Variants in ADGRV1 observed in about 807,000 individuals in gnomAD.
ADGRV1 encodes adhesion G protein-coupled receptor V1, also known as G-protein coupled receptor 98.
ADGRV1 carries 359 observed loss-of-function variants against 596.2 expected under a neutral mutation model. That is an observed-to-expected ratio of 0.60 (90% CI 0.55 to 0.66). ADGRV1 has a LOEUF of 0.66. Among genes scored for constraint, ADGRV1 ranks in the 30% least tolerant of loss-of-function variants. The pLI is 0.00. For missense variants in ADGRV1, 7,274 were observed against 7,575.6 expected, an observed-to-expected ratio of 0.96 and a Z score of 1.48; for synonymous variants, 2,681 against 2,679.2, an observed-to-expected ratio of 1.00 and a Z score of -0.02.
chr5:90,664,857 A>G (rs1771027189), intron 21 of ADGRV1, among the ~76,000 whole-genome samples: 1 of 149,660 alleles, frequency 6.7e-6, no homozygotes, highest in Non-Finnish European at 1.5e-5. Context: ...CCTTTTCTGT[A>G]TCTATTGAGA....
chr5:90,601,712 G>A (rs1236440947), intron 1 of ADGRV1, among the ~76,000 whole-genome samples: 1 of 152,180 alleles, frequency 6.6e-6, no homozygotes, highest in African/African-American at 2.4e-5. Flanking sequence ...AGTACTCTAA[G>A]GGCATAGATG....
intron 85 of ADGRV1, among the ~76,000 whole-genome samples, chr5:90,989,660 A>G (rs532462676): frequency 2.0e-5 from 3 of 152,236 alleles, no homozygotes; most frequent in East Asian, 3.9e-4. Flanking sequence ...TTAAAACCCA[A>G]TGGTTGCCTT....
Position 90,653,303 on chromosome 5 carries a change from C to G in ADGRV1, c.3729C>G (p.Ile1243Met). 1 of 1,613,892 alleles carries G rather than the reference C, an allele frequency of 6.2e-7. No homozygotes were observed. The highest frequency in any genetic ancestry group is 1.1e-5 in the South Asian group (1 of 91,074). ...PFNDDPFGVF[I>M]LDPECLEREV... ...ATGATGATCCCTTTGGAGTTTTTATCTTGGATCCAGAGTGTTTAGAGAGAG... is the reference window on the plus strand; with the variant it reads ...ATGATGATCCCTTTGGAGTTTTTATGTTGGATCCAGAGTGTTTAGAGAGAG... The change falls in exon 20 of 90, where the codon ATC (isoleucine) becomes ATG (methionine). Residue 1243 changes from isoleucine (I) to methionine (M), a missense_variant. Around this residue, in one of 5 missense-constraint regions of ADGRV1, gnomAD observed 1,715 missense variants for 1,708.8 expected, o/e 1.00. Coordinates refer to ENST00000405460, the MANE Select transcript of ADGRV1 (RefSeq NM_032119.4).
intron 85 of ADGRV1, among the ~76,000 whole-genome samples, chr5:90,993,436 C>T (rs1167752405): frequency 1.4e-4 from 22 of 152,064 alleles, no homozygotes; most frequent in Admixed American, 1.3e-3. Flanking sequence ...GCATTACAGG[C>T]GTGAGCCACC....
At position 91,017,054 on chromosome 5, in the gene ADGRV1, C is replaced by G. The variant is rs576140379; in HGVS notation, c.18152+31532C>G. On this transcript the variant is annotated intron_variant, in intron 85 of 89. Coordinates refer to ENST00000405460, the MANE Select transcript of ADGRV1 (RefSeq NM_032119.4). ...TTCCATTGCACTCAGTAGTACCAAG[C>G]AGTCCACAAGAATTGACACACATTT... 9.1e-4 allele frequency among the ~76,000 whole-genome samples: 138 copies of G among 152,040 alleles called. 2 individuals carry two copies. Among genetic ancestry groups the G allele is most frequent in the Middle Eastern group, 6.8e-3 (2 of 294 alleles).
At chr5:90,960,053 G>C (rs979009963) in intron 83 of ADGRV1, among the ~76,000 whole-genome samples, 2 of 151,520 alleles carry the variant, frequency 1.3e-5, no homozygotes, top group Non-Finnish European at 2.9e-5. Context: ...GCAGGAGAAT[G>C]GCGTGAACCC....
chr5:90,896,048 A>G (rs1372833129), intron 83 of ADGRV1, among the ~76,000 whole-genome samples: 1 of 151,876 alleles, frequency 6.6e-6, no homozygotes, highest in Non-Finnish European at 1.5e-5. Context: ...TATCAAAATG[A>G]TCAAGCTAAC....
chr5:90,816,856 G>C (rs1235076361), intron 75 of ADGRV1, among the ~76,000 whole-genome samples: 1 of 151,868 alleles, frequency 6.6e-6, no homozygotes, highest in Non-Finnish European at 1.5e-5. Flanking sequence ...ATTGTGAATA[G>C]TGCCGCAATA....
intron 34 of ADGRV1, among the ~76,000 whole-genome samples, chr5:90,703,140 C>A (rs76119383): frequency 0.052 from 7,913 of 152,032 alleles, 299 homozygotes; most frequent in East Asian, 0.11. Flanking sequence ...GATTTGACAC[C>A]TTTCCTTTGT....
Position 90,847,025 on chromosome 5 carries a change from G to A in ADGRV1, c.17020-1612G>A, listed in dbSNP as rs532276795. ...AGCTAGACACAGAGTGCTGATTGGT[G>A]CACTTACAAACCTTGAGCTAGATAC... On this transcript the variant is annotated intron_variant, in intron 78 of 89. Coordinates refer to ENST00000405460, the MANE Select transcript of ADGRV1 (RefSeq NM_032119.4). Among the ~76,000 whole-genome samples the A allele has an allele frequency of 3.3e-5, 5 of 152,230 alleles. No individual in the cohort carries two copies. In the East Asian group the frequency reaches 9.7e-4, roughly 29 times the overall value.
chr5:90,638,315 A>G (rs1402334552), intron 11 of ADGRV1, among the ~76,000 whole-genome samples: 1 of 152,064 alleles, frequency 6.6e-6, no homozygotes, highest in Non-Finnish European at 1.5e-5. Flanking sequence ...TTTATGTTCA[A>G]CAGAAGAGAG....
At chr5:90,971,817 C>T (rs1402932324) in intron 84 of ADGRV1, among the ~76,000 whole-genome samples, 1 of 152,166 alleles carries the variant, frequency 6.6e-6, no homozygotes, top group Non-Finnish European at 1.5e-5. Context: ...AATCAGCTAA[C>T]ATCATAATGA....
intron 77 of ADGRV1, among the ~76,000 whole-genome samples, chr5:90,833,537 A>C (rs928183531): frequency 1.3e-5 from 2 of 152,126 alleles, no homozygotes; most frequent in Non-Finnish European, 2.9e-5. Flanking sequence ...CACCAACTTC[A>C]GCTATCCAAA....
intron 86 of ADGRV1, among the ~76,000 whole-genome samples, chr5:91,079,234 G>C (rs1356825263): frequency 1.3e-5 from 2 of 152,104 alleles, no homozygotes; most frequent in African/African-American, 4.8e-5. Context: ...GGGGCCTAAG[G>C]AAAACCCCAG....
At chr5:90,914,948 C>T (rs1197729763) in intron 83 of ADGRV1, among the ~76,000 whole-genome samples, 3 of 152,048 alleles carry the variant, frequency 2.0e-5, no homozygotes, top group African/African-American at 7.2e-5. Flanking sequence ...CTACATGCTC[C>T]CCTAAAAACT....
chr5:90,600,797 T>C (rs1761300471), intron 1 of ADGRV1, among the ~76,000 whole-genome samples: 1 of 152,198 alleles, frequency 6.6e-6, no homozygotes, highest in Non-Finnish European at 1.5e-5. Flanking sequence ...CAATTCCATT[T>C]TGTGTCAAAA....
intron 83 of ADGRV1, among the ~76,000 whole-genome samples, chr5:90,898,334 G>T (rs1428313765): frequency 6.6e-6 from 1 of 152,122 alleles, no homozygotes; most frequent in Non-Finnish European, 1.5e-5. Flanking sequence ...AAAAGTAGAG[G>T]ATCCTGGCAA....
intron 85 of ADGRV1, among the ~76,000 whole-genome samples, chr5:91,037,954 T>C (rs915975633): frequency 5.3e-5 from 8 of 152,208 alleles, no homozygotes; most frequent in Middle Eastern, 3.2e-3. Context: ...AAAATTATTG[T>C]CCAAAAATTA....
intron 87 of ADGRV1, among the ~76,000 whole-genome samples, chr5:91,125,913 T>C (rs1793709169): frequency 6.6e-6 from 1 of 152,228 alleles, no homozygotes; most frequent in Non-Finnish European, 1.5e-5. Flanking sequence ...TATCCATCTG[T>C]AGTTCTGTTT....
Sources: allele counts gnomAD v4.1 joint callset (sites outside exome capture counted in the v4.1 genomes callset), GRCh38; gene constraint gnomAD v4.1.1; regional missense constraint gnomAD v4.1.1; transcripts MANE v1.5; gene names NCBI Gene and HGNC (gene_info 2026-07-23, HGNC 2026-07-21).